The following ATRN variants were observed in gnomAD, a reference collection of about 807,000 sequenced individuals.
ATRN encodes attractin.
A neutral mutation model predicts 178.7 loss-of-function variants in ATRN; 54 were observed. The observed-to-expected ratio is 0.30, with a 90% confidence interval of 0.24 to 0.38. The LOEUF (loss-of-function observed/expected upper bound fraction) is 0.38, where lower values mean the gene tolerates loss of function less well. Ranked by LOEUF, ATRN falls within the 10% of genes least tolerant of loss-of-function variation. ATRN has a pLI of 1.00. For synonymous variants in ATRN, 636 were observed against 663.0 expected (o/e 0.96, Z 0.63); for missense variants, 1,443 against 1,815.1 (o/e 0.79, Z 3.73).
intron 1 of ATRN, among the ~76,000 whole-genome samples, chr20:3,482,608 G>A (rs2084637421): frequency 1.3e-5 from 2 of 152,170 alleles, no homozygotes; most frequent in African/African-American, 4.8e-5. Flanking sequence ...GAGATATCAA[G>A]GATTTTGATC....
chr20:3,499,486 A>G (rs949492314), intron 1 of ATRN, among the ~76,000 whole-genome samples: 16 of 150,562 alleles, frequency 1.1e-4, no homozygotes, highest in Non-Finnish European at 4.4e-5. Flanking sequence ...CAAAACAGAG[A>G]TATAGATCAA....
chr20:3,649,010 T>A lies in ATRN; in HGVS notation c.*2163T>A, dbSNP rs1270235685. The A allele has an allele frequency of 6.6e-6, 1 of 152,210 alleles. No individual in the cohort carries two copies. Among genetic ancestry groups the A allele is most frequent in the Admixed American group, 6.5e-5 (1 of 15,286 alleles). The allele number at this position is 152,210 out of a possible 1,614,324, so 9.4% of individuals were successfully genotyped here. On this transcript the variant is annotated 3_prime_UTR_variant, in exon 29 of 29. Transcript: ENST00000262919. ...CCCACAGCCATCTGGTTATGTCTTA[T>A]TTTTTTCCTAAAAGATAATGTTTAT...
At chr20:3,575,772 C>T (rs2146247542) in intron 12 of ATRN, 55 bp from the exon 13 acceptor site, 1 of 1,531,292 alleles carries the variant, frequency 6.5e-7, no homozygotes, top group Non-Finnish European at 8.8e-7. Flanking sequence ...ACTTCGGTCT[C>T]AGATTTTGCT....
chr20:3,499,604 A>G (rs1342246321), intron 1 of ATRN, among the ~76,000 whole-genome samples: 1 of 149,786 alleles, frequency 6.7e-6, no homozygotes, highest in Non-Finnish European at 1.5e-5. Context: ...TATTTAATAA[A>G]TGGTGCTGGG....
intron 3 of ATRN, among the ~76,000 whole-genome samples, chr20:3,544,749 T>C (rs1447574374): frequency 1.3e-5 from 2 of 152,082 alleles, no homozygotes; most frequent in African/African-American, 4.8e-5. Flanking sequence ...TCAAATCACA[T>C]ATCTCTTCTG....
Position 3,565,356 on chromosome 20 carries a change from C to G in ATRN, c.1795C>G (p.Arg599Gly). The change falls in exon 11 of 29, where the codon CGC becomes GGC. Residue 599 changes from arginine to glycine, a missense_variant. Around this residue, in one of 4 missense-constraint regions of ATRN, gnomAD observed 862 missense variants for 972.1 expected, o/e 0.89. Transcript: ENST00000262919. ...ATTTTTCTTTCTCCTAGCCTGTGAC[C>G]GCTGGTCAGTGCTTCCCAGACCTGA... ...DFMAYDIACD[R>G]WSVLPRPDLH... 5 of 1,613,562 alleles carry G rather than the reference C, an allele frequency of 3.1e-6. No individual in the cohort carries two copies. The highest frequency in any genetic ancestry group is 4.2e-6 in the Non-Finnish European group (5 of 1,179,716).
chr20:3,481,749 T>C (rs1182046122), intron 1 of ATRN, among the ~76,000 whole-genome samples: 2 of 151,820 alleles, frequency 1.3e-5, no homozygotes, highest in Non-Finnish European at 2.9e-5. Context: ...GAATTTTCTG[T>C]TTTTCACTTA....
chr20:3,535,802 G>A (rs774693075), intron 2 of ATRN, among the ~76,000 whole-genome samples: 1 of 151,914 alleles, frequency 6.6e-6, no homozygotes, highest in Non-Finnish European at 1.5e-5. Context: ...GGCTAATTTT[G>A]TATTTTTAGT....
At chr20:3,473,314 C>T (rs974697613) in intron 1 of ATRN, among the ~76,000 whole-genome samples, 15 of 151,688 alleles carry the variant, frequency 9.9e-5, no homozygotes, top group Non-Finnish European at 4.4e-5. Flanking sequence ...ACTGAGGAAG[C>T]GATGTGAAGT....
At chr20:3,610,826 GCT>G (rs2086753750) in intron 24 of ATRN, among the ~76,000 whole-genome samples, 1 of 146,946 alleles carries the variant, frequency 6.8e-6, no homozygotes, top group Non-Finnish European at 1.5e-5. Context: ...AAACTCCTGG[GCT>G]CAAGTGATCC....
At chr20:3,484,910 ATTATT>A (rs2084669885) in intron 1 of ATRN, among the ~76,000 whole-genome samples, 1 of 36,304 alleles carries the variant, frequency 2.8e-5, no homozygotes, top group African/African-American at 1.9e-4. Context: ...GGATTTTAAA[ATTATT>A]ATTATTATTA....
At chr20:3,497,952 GA>G (rs1433459911) in intron 1 of ATRN, among the ~76,000 whole-genome samples, 4 of 151,146 alleles carry the variant, frequency 2.6e-5, no homozygotes, top group Admixed American at 6.6e-5. Context: ...GACTAATAAA[GA>G]AAAAAAGAAG....
chr20:3,568,718 T>C (rs235564), intron 11 of ATRN, among the ~76,000 whole-genome samples: 114,514 of 152,052 alleles, frequency 0.75, 43,581 homozygotes, highest in East Asian at 1. Context: ...AACATCTTGT[T>C]GAATATATAT....
At position 3,572,774 on chromosome 20, in the gene ATRN, G is replaced by A. The variant is rs772306017; in HGVS notation, c.1915G>A (p.Asp639Asn). Reference protein sequence around the residue: ...FGGFNSLLLSDILVFTSEQCD... With the variant: ...FGGFNSLLLSNILVFTSEQCD... ...TGGTTTCAATAGTCTCCTCCTCAGCGACATCCTGGTATTCACCTCGGAACA... is the reference window on the plus strand; with the variant it reads ...TGGTTTCAATAGTCTCCTCCTCAGCAACATCCTGGTATTCACCTCGGAACA... Residue 639 changes from aspartate (D) to asparagine (N), a missense_variant, in exon 12 of 29, where the codon GAC (aspartate) becomes AAC (asparagine). By Grantham distance (23) the Asp-to-Asn change is conservative. This residue lies in a region of ATRN where 862 missense variants were observed against 972.1 expected (regional missense o/e 0.89). Transcript: ENST00000262919. 17 of 1,613,830 alleles carry A rather than the reference G, an allele frequency of 1.1e-5. No individual in the cohort carries two copies. The highest frequency in any genetic ancestry group is 9.3e-6 in the Non-Finnish European group (11 of 1,179,994).
chr20:3,478,852 C>T (rs1041815479), intron 1 of ATRN, among the ~76,000 whole-genome samples: 1 of 151,948 alleles, frequency 6.6e-6, no homozygotes, highest in African/African-American at 2.4e-5. Flanking sequence ...TCACTGCTCC[C>T]CCATTCTTTC....
chr20:3,560,031 T>A (rs1203789925), intron 7 of ATRN, among the ~76,000 whole-genome samples: 5 of 152,288 alleles, frequency 3.3e-5, no homozygotes, highest in Non-Finnish European at 5.9e-5. Context: ...AAATTTTTTT[T>A]AATTTATTTT....
intron 1 of ATRN, among the ~76,000 whole-genome samples, chr20:3,520,085 G>A (rs1012754508): frequency 4.6e-5 from 7 of 152,158 alleles, no homozygotes; most frequent in Admixed American, 2.0e-4. Context: ...AAATTATATC[G>A]TAATGGATGA....
chr20:3,576,531 A>T (rs2086211692), intron 13 of ATRN, among the ~76,000 whole-genome samples: 1 of 152,178 alleles, frequency 6.6e-6, no homozygotes, highest in African/African-American at 2.4e-5. Context: ...AAAAGCACCA[A>T]GTTCAACATT....
chr20:3,475,239 T>C (rs1331445020), intron 1 of ATRN, among the ~76,000 whole-genome samples: 1 of 152,118 alleles, frequency 6.6e-6, no homozygotes, highest in Non-Finnish European at 1.5e-5. Context: ...TCCTGTGTTA[T>C]AATTGCCGTT....
Sources: gnomAD v4.1 joint callset for allele counts (sites outside exome capture counted in the v4.1 genomes callset) on GRCh38, gnomAD v4.1.1 for gene constraint, gnomAD v4.1.1 regional missense constraint, MANE v1.5 for transcripts, NCBI Gene and HGNC (gene_info 2026-07-23, HGNC 2026-07-21) for gene names.